Variants in PKN2 observed in about 807,000 individuals in gnomAD.
PKN2 encodes protein kinase N2.
A neutral mutation model predicts 119.1 loss-of-function variants in PKN2; 38 were observed. The observed-to-expected ratio is 0.32, with a 90% CI of 0.25 to 0.42. PKN2 has a LOEUF of 0.42. Ranked by LOEUF, PKN2 falls within the 10% of genes least tolerant of loss-of-function variation. The pLI is 1.00. For synonymous variants in PKN2, 390 were observed against 384.9 expected, an observed-to-expected ratio of 1.01 and a Z score of -0.15; for missense variants, 850 against 1,165.1, an observed-to-expected ratio of 0.73 and a Z score of 3.94.
chr1:88,781,769 A>C (rs1670355423), intron 6 of PKN2, among the ~76,000 whole-genome samples: 1 of 152,154 alleles, frequency 6.6e-6, no homozygotes, highest in Non-Finnish European at 1.5e-5. Context: ...AGATGTTTTC[A>C]GTTTCCCCAG....
At chr1:88,804,809 G>A (rs370033237) in intron 9 of PKN2, 37 bp from the exon 10 acceptor site, 3 of 1,095,012 alleles carry the variant, frequency 2.7e-6, no homozygotes, top group East Asian at 2.4e-5. Flanking sequence ...CATGAACCAT[G>A]CTATTTTCAT....
chr1:88,718,528 C>G (rs535949787), intron 1 of PKN2, among the ~76,000 whole-genome samples: 3 of 152,220 alleles, frequency 2.0e-5, no homozygotes, highest in Admixed American at 2.0e-4. Context: ...ATAAAAGAAG[C>G]TTATGTATTA....
Position 88,760,376 on chromosome 1 carries a change from G to A in PKN2, c.504G>A (p.Lys168=). 6.7e-7 allele frequency: 1 copy of A among 1,485,602 alleles called. No homozygotes were observed. The highest frequency in any genetic ancestry group is 2.0e-5 in the Admixed American group (1 of 50,498). 92.0% of individuals were successfully genotyped at this position (1,485,602 alleles called of 1,614,324 possible). A position where few individuals can be genotyped will look rare whatever the true frequency, so the allele number is the denominator to read the frequency against. Residue 168 remains lysine (K), a splice_region_variant and synonymous_variant, in exon 3 of 22, where the codon AAG becomes AAA. Transcript: ENST00000370521. ...AGATGTATTCAAATGGATCTTCAAA[G>A]GTAAGTGTAGTTAATAAATGTAACT... ...MIQMYSNGSS[K]DRKLHGTAQQ... is the part of the protein sequence containing the mutation.
rs145644107 is a variant in PKN2, at chr1:88,812,603, G to A, written c.2103-954G>A. On this transcript the variant is annotated intron_variant, in intron 15 of 21. Coordinates refer to ENST00000370521, the MANE Select transcript of PKN2 (RefSeq NM_006256.4). ...AAAAAAATAAAAGCCAGGCATGGTA[G>A]TATGTTCCTGTAGTACCAGCTACTC... Among the ~76,000 whole-genome samples the A allele has an allele frequency of 2.2e-4, 34 of 152,242 alleles. No individual in the cohort carries two copies. In the East Asian group the frequency reaches 3.9e-3, roughly 17 times the overall value.
intron 1 of PKN2, among the ~76,000 whole-genome samples, chr1:88,733,335 T>G (rs1229109072): frequency 6.6e-6 from 1 of 151,990 alleles, no homozygotes; most frequent in Non-Finnish European, 1.5e-5. Flanking sequence ...ATCCATACCC[T>G]CATCAACACC....
At chr1:88,706,419 C>G (rs1667008315) in intron 1 of PKN2, among the ~76,000 whole-genome samples, 1 of 151,962 alleles carries the variant, frequency 6.6e-6, no homozygotes, top group South Asian at 2.1e-4. Context: ...ATAATGCTGT[C>G]TTTGCATAAA....
At chr1:88,831,482 G>C (rs932183791) in intron 19 of PKN2, among the ~76,000 whole-genome samples, 1 of 151,842 alleles carries the variant, frequency 6.6e-6, no homozygotes, top group African/African-American at 2.4e-5. Flanking sequence ...TATGTATTTT[G>C]AGTGTACTAC....
chr1:88,780,175 C>A (rs1357120548), intron 6 of PKN2, among the ~76,000 whole-genome samples: 1 of 151,986 alleles, frequency 6.6e-6, no homozygotes, highest in East Asian at 1.9e-4. Context: ...TTATACAGTG[C>A]CCAAAAAGAA....
chr1:88,741,329 T>TA lies in PKN2; in HGVS notation c.349+49dup, dbSNP rs140465430. 658 of 1,241,272 alleles carry TA rather than the reference T, an allele frequency of 5.3e-4. 2 individuals carry two copies. Among genetic ancestry groups the TA allele is most frequent in the Middle Eastern group, 5.9e-4 (2 of 3,394 alleles). The allele number at this position is 1,241,272 out of a possible 1,614,324, so 76.9% of individuals were successfully genotyped here. ...ATTTGATGTTTATATGGTATATTAA[T>TA]AAAAAAAATGTATCTTTTTAGAAAA... On this transcript the variant is annotated intron_variant, in intron 2 of 21. Transcript: ENST00000370521.
At chr1:88,709,170 C>T (rs1156487093) in intron 1 of PKN2, among the ~76,000 whole-genome samples, 1 of 151,966 alleles carries the variant, frequency 6.6e-6, no homozygotes, top group East Asian at 1.9e-4. Context: ...TCTCCTGCCT[C>T]AGCCTCCCGA....
intron 8 of PKN2, among the ~76,000 whole-genome samples, chr1:88,801,928 C>T (rs375091014): frequency 6.6e-6 from 1 of 152,166 alleles, no homozygotes; most frequent in East Asian, 1.9e-4. Flanking sequence ...TTGCTAATAA[C>T]CTAAAACTTT....
At chr1:88,788,045 G>A (rs1297206854) in intron 8 of PKN2, among the ~76,000 whole-genome samples, 3 of 152,154 alleles carry the variant, frequency 2.0e-5, no homozygotes, top group Non-Finnish European at 4.4e-5. Flanking sequence ...TATAGAAAAT[G>A]TTGCTTTAAA....
At chr1:88,733,341 A>G (rs1397640751) in intron 1 of PKN2, among the ~76,000 whole-genome samples, 1 of 151,730 alleles carries the variant, frequency 6.6e-6, no homozygotes, top group East Asian at 1.9e-4. Flanking sequence ...ACCCTCATCA[A>G]CACCTGCTAT....
chr1:88,685,084 C>G (rs192275802), intron 1 of PKN2: 1 of 156,974 alleles, frequency 6.4e-6, no homozygotes, highest in Non-Finnish European at 1.4e-5. Flanking sequence ...TTGTCCCTCC[C>G]CCTCCCCTCA....
chr1:88,720,713 T>C (rs891481954), intron 1 of PKN2, among the ~76,000 whole-genome samples: 1 of 152,178 alleles, frequency 6.6e-6, no homozygotes, highest in African/African-American at 2.4e-5. Flanking sequence ...TTCTGAGATT[T>C]TGGTGCACCC....
chr1:88,700,651 C>T (rs748643372), intron 1 of PKN2, among the ~76,000 whole-genome samples: 3 of 152,250 alleles, frequency 2.0e-5, no homozygotes, highest in South Asian at 2.1e-4. Context: ...TGAACCTAAG[C>T]GTAAAAAAGG....
chr1:88,713,109 CT>C (rs1206123007), intron 1 of PKN2, among the ~76,000 whole-genome samples: 1 of 152,116 alleles, frequency 6.6e-6, no homozygotes. Context: ...TGAACTCATC[CT>C]TTTTTATGGC....
At position 88,770,391 on chromosome 1, in the gene PKN2, G is replaced by A. The variant is rs1384345143; in HGVS notation, c.544G>A (p.Asp182Asn). ...TGGTACAGCTCAGCAACTGCTCCAG[G>A]ACAGCAAGACAAAAATAGAAGTCAT... Reference protein sequence around the residue: ...LHGTAQQLLQDSKTKIEVIRM... With the variant: ...LHGTAQQLLQNSKTKIEVIRM... The change falls in exon 4 of 22, where the codon GAC becomes AAC. Residue 182 changes from aspartate to asparagine, a missense_variant. Coordinates refer to ENST00000370521, the MANE Select transcript of PKN2 (RefSeq NM_006256.4). 2 of 1,613,384 alleles carry A rather than the reference G, an allele frequency of 1.2e-6. No homozygotes were observed. The highest frequency in any genetic ancestry group is 1.1e-5 in the South Asian group (1 of 91,070).
At chr1:88,707,056 A>T (rs991665173) in intron 1 of PKN2, among the ~76,000 whole-genome samples, 1 of 151,234 alleles carries the variant, frequency 6.6e-6, no homozygotes, top group African/African-American at 2.4e-5. Context: ...GCCCATGGCT[A>T]CTTAATGTTG....
Sources: allele counts gnomAD v4.1 joint callset (sites outside exome capture counted in the v4.1 genomes callset), GRCh38; gene constraint gnomAD v4.1.1; transcripts MANE v1.5; gene names NCBI Gene and HGNC (gene_info 2026-07-23, HGNC 2026-07-21).